Variants in NRDE2 observed in about 807,000 individuals in gnomAD.
NRDE2 encodes NRDE-2, necessary for RNA interference, domain containing.
In NRDE2, 76 loss-of-function variants were observed where a neutral mutation model predicts 124.2. The observed-to-expected ratio is 0.61, with a 90% CI of 0.51 to 0.74. The LOEUF is 0.74. Among genes scored for constraint, NRDE2 ranks in the 30% least tolerant of loss-of-function variants. The pLI is 0.00. For missense variants in NRDE2, 1,314 were observed against 1,417.3 expected (o/e 0.93, Z 1.17); for synonymous variants, 489 against 528.1 (o/e 0.93, Z 1.01).
rs78886247 is a variant in NRDE2 at position 90,330,869 on chromosome 14, A to G, written c.64+972T>C. Reference sequence around the variant, plus strand: ...AAGTGTAGGAACTATATTAGAGGATATAACAGACAGGTAAGACTCAATTGC... The same window carrying G: ...AAGTGTAGGAACTATATTAGAGGATGTAACAGACAGGTAAGACTCAATTGC... On this transcript the variant is annotated intron_variant, in intron 1 of 13. Coordinates refer to ENST00000354366, the MANE Select transcript of NRDE2 (RefSeq NM_017970.4). Among the ~76,000 whole-genome samples, 1,081 of 152,124 alleles carry G rather than the reference A, an allele frequency of 7.1e-3. 21 individuals carry two copies. The highest frequency in any genetic ancestry group is 0.025 in the African/African-American group (1,051 of 41,504).
At chr14:90,314,900 T>TG (rs1884982138) in intron 3 of NRDE2, among the ~76,000 whole-genome samples, 1 of 151,914 alleles carries the variant, frequency 6.6e-6, no homozygotes, top group Non-Finnish European at 1.5e-5. Context: ...CTGGGTGCGG[T>TG]GGCTCATGGC....
At chr14:90,331,771 C>G (rs1200832060) in intron 1 of NRDE2, 70 bp downstream of exon 1, 3 of 1,516,298 alleles carry the variant, frequency 2.0e-6, no homozygotes, top group Non-Finnish European at 2.7e-6. Context: ...AAGCAAAAGT[C>G]TAGACCTGGG....
rs2236402 is a variant in NRDE2 at position 90,268,034 on chromosome 14, G to A, written c.*10302C>T. On this transcript the variant is annotated 3_prime_UTR_variant, in exon 14 of 14. Coordinates refer to ENST00000354366, the MANE Select transcript of NRDE2 (RefSeq NM_017970.4). ...AGCTAAGGATAATCCAAACATGTTA[G>A]TAGATTTTTCTAAATGTCCTCTTAT... 4 of 506,276 alleles carry A rather than the reference G, an allele frequency of 7.9e-6. No homozygotes were observed. In the South Asian group the frequency reaches 1.3e-4, roughly 17 times the overall value. The allele number at this position is 506,276 out of a possible 1,614,324, so 31.4% of individuals were successfully genotyped here.
intron 10 of NRDE2, among the ~76,000 whole-genome samples, chr14:90,289,682 T>C (rs1236600723): frequency 2.0e-5 from 3 of 152,180 alleles, no homozygotes; most frequent in Non-Finnish European, 4.4e-5. Context: ...CTACCTTCCA[T>C]GTTCAAGCGA....
In NRDE2 at chr14:90,278,042, C is replaced by T. The variant is rs930995563; in HGVS notation, c.*294G>A. Reference sequence around the variant, plus strand: ...TGGCTGCGCACAGGGAGAGAATGAGCAAGGACGCTGCCACGCCTCAATCAT... The same window carrying T: ...TGGCTGCGCACAGGGAGAGAATGAGTAAGGACGCTGCCACGCCTCAATCAT... On this transcript the variant is annotated 3_prime_UTR_variant, in exon 14 of 14. Coordinates refer to ENST00000354366, the MANE Select transcript of NRDE2 (RefSeq NM_017970.4). 3.6e-6 allele frequency: 1 copy of T among 274,040 alleles called. No homozygotes were observed. The highest frequency in any genetic ancestry group is 7.3e-6 in the Non-Finnish European group (1 of 137,196). The allele number at this position is 274,040 out of a possible 1,614,324, so 17.0% of individuals were successfully genotyped here.
Position 90,303,121 on chromosome 14 carries a change from T to A in NRDE2, c.1010A>T (p.Glu337Val). The A allele has an allele frequency of 4.4e-6, 7 of 1,608,188 alleles. No individual in the cohort carries two copies. The highest frequency in any genetic ancestry group is 5.9e-6 in the Non-Finnish European group (7 of 1,177,236). ...LWMAFVAFQD[E>V]VMKSPGLYAI... ...ATACAGGCCAGGACTTTTCATGACC[T>A]CGTCCTCAACAACAAAAACACCAAT... Residue 337 changes from glutamate to valine, a missense_variant, in exon 6 of 14, where the codon GAG (glutamate) becomes GTG (valine). Physicochemically the swap from Glu to Val is moderately radical, Grantham distance 121 (BLOSUM62 -2). Transcript: ENST00000354366.
At chr14:90,316,347 G>T (rs1408357518) in intron 3 of NRDE2, among the ~76,000 whole-genome samples, 7 of 152,132 alleles carry the variant, frequency 4.6e-5, no homozygotes, top group South Asian at 2.1e-4. Context: ...AAATCCCAAA[G>T]ACTTTTTGTC....
rs1033211564 is a variant in NRDE2 at position 90,278,271 on chromosome 14, C to T, written c.*65G>A. ...TCCTAACACACACGTTCTCTGCTCG[C>T]GCCTCCTAGCTCCGCAGGGTGGGCA... On this transcript the variant is annotated 3_prime_UTR_variant, in exon 14 of 14. Coordinates refer to ENST00000354366, the MANE Select transcript of NRDE2 (RefSeq NM_017970.4). 7.5e-6 allele frequency: 12 copies of T among 1,597,438 alleles called. No individual in the cohort carries two copies. Among genetic ancestry groups the T allele is most frequent in the Middle Eastern group, 1.7e-4 (1 of 6,012 alleles).
At chr14:90,314,135 G>A (rs892506438) in intron 3 of NRDE2, among the ~76,000 whole-genome samples, 9 of 152,290 alleles carry the variant, frequency 5.9e-5, no homozygotes, top group Non-Finnish European at 7.4e-5. Flanking sequence ...TGCAAGGAAG[G>A]AGCTGCCTCC....
At position 90,268,486 on chromosome 14, in the gene NRDE2, A is replaced by G. The variant is rs1031709803; in HGVS notation, c.*9850T>C. On this transcript the variant is annotated 3_prime_UTR_variant, in exon 14 of 14. Coordinates refer to ENST00000354366, the MANE Select transcript of NRDE2 (RefSeq NM_017970.4). ...ATAGCTCTTCTCTTGAGAATGAGCA[A>G]TCTCAGGGGGCTCTCCCTATGGCCA... The G allele has an allele frequency of 1.4e-6, 2 of 1,412,594 alleles. No individual in the cohort carries two copies. The highest frequency in any genetic ancestry group is 1.2e-5 in the South Asian group (1 of 80,046). The allele number at this position is 1,412,594 out of a possible 1,614,324, so 87.5% of individuals were successfully genotyped here.
intron 12 of NRDE2, among the ~76,000 whole-genome samples, chr14:90,284,735 AC>A (rs149492761): frequency 0.018 from 2,706 of 152,212 alleles, 70 homozygotes; most frequent in African/African-American, 0.061. Context: ...ATGACTGAGT[AC>A]CCCTGAACTA....
chr14:90,283,719 T>TG (rs1212109225), intron 12 of NRDE2, among the ~76,000 whole-genome samples: 3 of 151,646 alleles, frequency 2.0e-5, no homozygotes, highest in East Asian at 3.9e-4. Context: ...TTTTGTTTTT[T>TG]TTTTTTTTGA....
At chr14:90,320,403 C>T (rs770623195) in intron 1 of NRDE2, among the ~76,000 whole-genome samples, 8 of 152,198 alleles carry the variant, frequency 5.3e-5, no homozygotes, top group Non-Finnish European at 1.0e-4. Flanking sequence ...AACTCACTCA[C>T]TATCGTGAGA....
Position 90,275,649 on chromosome 14 carries a change from T to G in NRDE2, c.*2687A>C, listed in dbSNP as rs1394597823. ...GTTTCGGCAGCTGGTCACTGAGGCC[T>G]GCGGTGCCAAGTGCAGGGATGCAGG... On this transcript the variant is annotated 3_prime_UTR_variant, in exon 14 of 14. Coordinates refer to ENST00000354366, the MANE Select transcript of NRDE2 (RefSeq NM_017970.4). The G allele has an allele frequency of 6.6e-6, 1 of 152,164 alleles. No individual in the cohort carries two copies. The highest frequency in any genetic ancestry group is 2.4e-5 in the African/African-American group (1 of 41,436). The allele number at this position is 152,164 out of a possible 1,614,324, so 9.4% of individuals were successfully genotyped here. A position where few individuals can be genotyped will look rare whatever the true frequency, so the allele number is the denominator to read the frequency against.
intron 1 of NRDE2, among the ~76,000 whole-genome samples, chr14:90,331,077 C>A (rs1885678227): frequency 6.6e-6 from 1 of 151,980 alleles, no homozygotes; most frequent in African/African-American, 2.4e-5. Flanking sequence ...TAGGTGTGCA[C>A]CACCACGCCT....
intron 12 of NRDE2, among the ~76,000 whole-genome samples, chr14:90,283,647 A>C (rs1892015497): frequency 6.6e-6 from 1 of 152,172 alleles, no homozygotes. Flanking sequence ...TCAAACCATA[A>C]GATCAGAGCT....
At chr14:90,301,409 G>C (rs1021492760) in intron 6 of NRDE2, 37 bp from the exon 7 acceptor site, 3 of 1,607,790 alleles carry the variant, frequency 1.9e-6, no homozygotes, top group African/African-American at 2.7e-5. Flanking sequence ...AAGCCTGGTT[G>C]ATACCGTTAA....
intron 6 of NRDE2, 133 bp from the exon 7 acceptor site, chr14:90,301,505 T>A: frequency 1.3e-6 from 1 of 778,588 alleles, no homozygotes; most frequent in Non-Finnish European, 2.1e-6. Context: ...TACAAAGCTG[T>A]GATACATGTC....
chr14:90,278,254 C>T lies in NRDE2; in HGVS notation c.*82G>A, dbSNP rs1891850859. On this transcript the variant is annotated 3_prime_UTR_variant, in exon 14 of 14. Coordinates refer to ENST00000354366, the MANE Select transcript of NRDE2 (RefSeq NM_017970.4). ...TTTCAAAAGCCGAGTTCTCCTAACA[C>T]ACACGTTCTCTGCTCGCGCCTCCTA... 1.3e-6 allele frequency: 2 copies of T among 1,548,418 alleles called. No individual in the cohort carries two copies. The highest frequency in any genetic ancestry group is 1.8e-6 in the Non-Finnish European group (2 of 1,125,534).
Sources: allele counts gnomAD v4.1 joint callset (sites outside exome capture counted in the v4.1 genomes callset), GRCh38; gene constraint gnomAD v4.1.1; transcripts MANE v1.5; gene names NCBI Gene and HGNC (gene_info 2026-07-23, HGNC 2026-07-21).